The following CSMD3 variants were observed in gnomAD, a reference collection of about 807,000 sequenced individuals.
CSMD3 encodes CUB and sushi domain-containing protein 3.
A neutral mutation model predicts 435.2 loss-of-function variants in CSMD3; 177 were observed. The ratio of observed to expected loss-of-function variants is 0.41; its 90% CI spans 0.36 to 0.46. CSMD3 has a LOEUF of 0.46. Ranked by LOEUF, CSMD3 falls within the 20% of genes least tolerant of loss-of-function variation. CSMD3 has a pLI of 0.34. For missense variants in CSMD3, 4,265 were observed against 4,504.6 expected (o/e 0.95, Z 1.52); for synonymous variants, 1,656 against 1,520.5 (o/e 1.09, Z -2.07).
chr8:113,361,654 A>G (rs1027540615), intron 1 of CSMD3, among the ~76,000 whole-genome samples: 1 of 152,130 alleles, frequency 6.6e-6, no homozygotes, highest in Non-Finnish European at 1.5e-5. Context: ...GATTTAAAAA[A>G]TAATTAAAAA....
At chr8:113,308,258 CTT>C (rs11440584) in intron 2 of CSMD3, among the ~76,000 whole-genome samples, 1 of 64,918 alleles carries the variant, frequency 1.5e-5, no homozygotes, top group Admixed American at 2.6e-4. Context: ...TCATTTAAGT[CTT>C]TTTTTTTTTT....
chr8:113,366,722 T>C (rs1360575930), intron 1 of CSMD3, among the ~76,000 whole-genome samples: 1 of 152,092 alleles, frequency 6.6e-6, no homozygotes, highest in East Asian at 1.9e-4. Context: ...AGTTTGCTCA[T>C]TTACATGATT....
chr8:113,372,154 T>G (rs572270860), intron 1 of CSMD3, among the ~76,000 whole-genome samples: 1 of 152,288 alleles, frequency 6.6e-6, no homozygotes, highest in East Asian at 1.9e-4. Context: ...GAGGTCAATT[T>G]TTTATATCAG....
chr8:113,116,100 T>C (rs1028071773), intron 4 of CSMD3, among the ~76,000 whole-genome samples: 1 of 152,154 alleles, frequency 6.6e-6, no homozygotes, highest in Non-Finnish European at 1.5e-5. Context: ...ACCCTGTTTA[T>C]GGTATTTCTT....
At chr8:113,383,015 A>T (rs1439708974) in intron 1 of CSMD3, among the ~76,000 whole-genome samples, 2 of 150,494 alleles carry the variant, frequency 1.3e-5, no homozygotes, top group Non-Finnish European at 1.5e-5. Context: ...ATAAATAAAC[A>T]GTTGTTAAAC....
intron 13 of CSMD3, among the ~76,000 whole-genome samples, chr8:112,729,594 T>G (rs1038915326): frequency 1.3e-5 from 2 of 152,126 alleles, no homozygotes; most frequent in Non-Finnish European, 2.9e-5. Context: ...GATTTTGGTA[T>G]GTGAAGATAA....
chr8:112,608,957 C>T (rs567075915), intron 22 of CSMD3, among the ~76,000 whole-genome samples: 3 of 151,308 alleles, frequency 2.0e-5, no homozygotes, highest in African/African-American at 7.3e-5. Flanking sequence ...TTGGATAAAA[C>T]ACAAAAATGC....
chr8:112,326,454 T>A (rs1401945313), intron 45 of CSMD3, among the ~76,000 whole-genome samples: 1 of 152,194 alleles, frequency 6.6e-6, no homozygotes, highest in Non-Finnish European at 1.5e-5. Context: ...GCTTCAGCTA[T>A]CTCATCTGTA....
In CSMD3 at chr8:112,346,921, C is replaced by T. The variant is rs527952606; in HGVS notation, c.6326-708G>A. ...GTCTTGATCTCCTGACCTCGTGATC[C>T]GCCCGCCCAGGCCTCCTATCCTTTT... On this transcript the variant is annotated intron_variant, in intron 40 of 70. Coordinates refer to ENST00000297405, the MANE Select transcript of CSMD3 (RefSeq NM_198123.2). Among the ~76,000 whole-genome samples the T allele has an allele frequency of 1.7e-4, 26 of 151,932 alleles. No homozygotes were observed. The South Asian group carries it at 5.2e-3, about 30-fold the overall frequency.
intron 3 of CSMD3, among the ~76,000 whole-genome samples, chr8:113,210,004 GT>G (rs1400660623): frequency 1.7e-3 from 7 of 4,060 alleles, no homozygotes; most frequent in Admixed American, 0.017. Flanking sequence ...CTCCTAAAAG[GT>G]GTGTGTGTGT....
At chr8:112,862,206 C>A (rs1420506770) in intron 10 of CSMD3, among the ~76,000 whole-genome samples, 1 of 151,988 alleles carries the variant, frequency 6.6e-6, no homozygotes. Context: ...CTGACAGTAA[C>A]CACTTAACAA....
chr8:112,432,682 G>A (rs951373748), intron 32 of CSMD3, among the ~76,000 whole-genome samples: 5 of 152,014 alleles, frequency 3.3e-5, no homozygotes, highest in African/African-American at 1.2e-4. Context: ...TATAGGATAG[G>A]ACAGAACAGA....
chr8:112,978,459 G>C (rs1587813588), intron 6 of CSMD3, among the ~76,000 whole-genome samples: 1 of 151,882 alleles, frequency 6.6e-6, no homozygotes, highest in South Asian at 2.1e-4. Context: ...GACCTCAGGG[G>C]AGAAACACAG....
At chr8:112,393,927 C>G (rs1830653447) in intron 35 of CSMD3, among the ~76,000 whole-genome samples, 1 of 151,578 alleles carries the variant, frequency 6.6e-6, no homozygotes, top group Non-Finnish European at 1.5e-5. Flanking sequence ...GTAACTTTGT[C>G]TTAGGCCATA....
intron 4 of CSMD3, among the ~76,000 whole-genome samples, chr8:113,117,691 A>G (rs550858499): frequency 6.6e-6 from 1 of 152,350 alleles, no homozygotes; most frequent in African/African-American, 2.4e-5. Context: ...GAGGTGTTGT[A>G]CACTACAAAG....
At chr8:112,429,826 A>T (rs1457901250) in intron 32 of CSMD3, among the ~76,000 whole-genome samples, 2 of 152,088 alleles carry the variant, frequency 1.3e-5, no homozygotes, top group African/African-American at 4.8e-5. Context: ...GGAATAGATC[A>T]TCAGAAATTT....
At chr8:113,081,193 T>C (rs757717321) in intron 5 of CSMD3, among the ~76,000 whole-genome samples, 2 of 152,218 alleles carry the variant, frequency 1.3e-5, no homozygotes, top group South Asian at 4.1e-4. Context: ...TGGGTGGCTT[T>C]AAATAATAGA....
chr8:113,032,353 G>A (rs2087147796), intron 5 of CSMD3, among the ~76,000 whole-genome samples: 1 of 151,580 alleles, frequency 6.6e-6, no homozygotes, highest in Non-Finnish European at 1.5e-5. Context: ...TACAGGTTGA[G>A]GTGGTCTCAG....
intron 3 of CSMD3, among the ~76,000 whole-genome samples, chr8:113,221,201 T>C (rs2092962251): frequency 6.6e-6 from 1 of 151,300 alleles, no homozygotes; most frequent in Admixed American, 6.6e-5. Context: ...GATAGTATTG[T>C]ATTGATATTA....
Sources: allele counts gnomAD v4.1 joint callset (sites outside exome capture counted in the v4.1 genomes callset), GRCh38; gene constraint gnomAD v4.1.1; transcripts MANE v1.5; gene names NCBI Gene and HGNC (gene_info 2026-07-23, HGNC 2026-07-21).